The following HYDIN variants were observed in gnomAD, a reference collection of about 807,000 sequenced individuals.
HYDIN encodes the protein HYDIN axonemal central pair apparatus protein.
A neutral mutation model predicts 403.9 loss-of-function variants in HYDIN; 132 were observed. That is an observed-to-expected ratio of 0.33 (90% CI 0.28 to 0.38). The LOEUF (loss-of-function observed/expected upper bound fraction) is 0.38. HYDIN is among the 10% of genes least tolerant of loss of function. The pLI, the probability that HYDIN is intolerant of heterozygous loss-of-function variation, is 1.00. For missense variants in HYDIN, 2,827 were observed against 5,009.5 expected, an observed-to-expected ratio of 0.56 and a Z score of 13.15; for synonymous variants, 1,202 against 1,891.7, an observed-to-expected ratio of 0.64 and a Z score of 9.46.
intron 13 of HYDIN, among the ~76,000 whole-genome samples, chr16:71,074,662 A>T (rs1321817209): frequency 2.9e-5 from 4 of 137,146 alleles, no homozygotes; most frequent in African/African-American, 8.2e-5. Flanking sequence ...AGCCTGGGCA[A>T]CAGAGACTCT....
At chr16:70,819,938 G>A (rs1481579837) in intron 83 of HYDIN, among the ~76,000 whole-genome samples, 1 of 148,950 alleles carries the variant, frequency 6.7e-6, no homozygotes, top group South Asian at 2.1e-4. Context: ...CTCCCAAGCA[G>A]CTGGGACTAC....
intron 18 of HYDIN, among the ~76,000 whole-genome samples, chr16:71,052,898 GGAAA>G (rs762491508): frequency 2.9e-4 from 40 of 137,562 alleles, no homozygotes; most frequent in Admixed American, 4.5e-4. Flanking sequence ...AGAGAAAGAA[GGAAA>G]GAAAGAAAGA....
At chr16:71,110,375 TAAA>T (rs918841807) in intron 10 of HYDIN, among the ~76,000 whole-genome samples, 10 of 138,898 alleles carry the variant, frequency 7.2e-5, no homozygotes, top group Non-Finnish European at 1.2e-4. Flanking sequence ...ATATATAAAA[TAAA>T]ATACATATAT....
intron 45 of HYDIN, among the ~76,000 whole-genome samples, chr16:70,931,199 CTCTT>C (rs1435200106): frequency 4.5e-5 from 6 of 132,034 alleles, no homozygotes; most frequent in South Asian, 2.5e-4. Flanking sequence ...TTTTCTGTCT[CTCTT>C]TCTTCTGTTT....
At chr16:70,864,377 A>C (rs2039612884) in intron 67 of HYDIN, among the ~76,000 whole-genome samples, 2 of 120,016 alleles carry the variant, frequency 1.7e-5, no homozygotes, top group East Asian at 2.3e-4. Context: ...AAAAAAAAAA[A>C]AAAAAAAAAC....
At chr16:70,960,855 C>A (rs1235860867) in intron 38 of HYDIN, among the ~76,000 whole-genome samples, 2 of 152,090 alleles carry the variant, frequency 1.3e-5, no homozygotes, top group Non-Finnish European at 2.9e-5. Context: ...CCATGCCCGG[C>A]TAATTTTTTG....
intron 77 of HYDIN, among the ~76,000 whole-genome samples, chr16:70,836,505 T>C (rs907162391): frequency 6.6e-6 from 1 of 152,090 alleles, no homozygotes; most frequent in Non-Finnish European, 1.5e-5. Flanking sequence ...ATGATGGTGG[T>C]TGGATTAGAA....
chr16:71,151,007 C>T (rs1238558244), intron 7 of HYDIN, among the ~76,000 whole-genome samples: 1 of 152,154 alleles, frequency 6.6e-6, no homozygotes, highest in Non-Finnish European at 1.5e-5. Flanking sequence ...TCGCTTTACA[C>T]CACTAGTATG....
chr16:70,824,469 T>C (rs960772805), intron 83 of HYDIN, among the ~76,000 whole-genome samples: 2 of 151,050 alleles, frequency 1.3e-5, no homozygotes, highest in African/African-American at 4.9e-5. Flanking sequence ...TTGTTTAAAA[T>C]TACCTATCAA....
rs528745619 is a variant in HYDIN at position 70,947,066 on chromosome 16, C to CCA, written c.6532-3119_6532-3118dup. Among the ~76,000 whole-genome samples, 5 of 149,752 alleles carry CCA rather than the reference C, an allele frequency of 3.3e-5. No individual in the cohort carries two copies. In the South Asian group the frequency reaches 8.6e-4, roughly 26 times the overall value. On this transcript the variant is annotated intron_variant, in intron 41 of 85. Coordinates refer to ENST00000393567, the MANE Select transcript of HYDIN (RefSeq NM_001270974.2). Reference sequence around the variant, plus strand: ...TGCCTAATTGCCCTGGCCAGAACTTCCAACACTATGTTGAATAGGAGTGGT... The same window carrying CCA: ...TGCCTAATTGCCCTGGCCAGAACTTCCACAACACTATGTTGAATAGGAGTGGT...
chr16:70,902,819 ATATTT>A (rs1375751554), intron 52 of HYDIN, among the ~76,000 whole-genome samples: 412 of 17,118 alleles, frequency 0.024, 2 homozygotes, highest in African/African-American at 0.087. Context: ...ATATATATAT[ATATTT>A]TTTTTTTTTT....
At chr16:70,947,354 G>A (rs759041604) in intron 41 of HYDIN, among the ~76,000 whole-genome samples, 1,895 of 151,742 alleles carry the variant, frequency 0.012, 21 homozygotes, top group Middle Eastern at 0.027. Context: ...ACTGATTTGC[G>A]TATATTGAAC....
chr16:71,050,706 T>G (rs1254002445), intron 18 of HYDIN, among the ~76,000 whole-genome samples: 1 of 152,118 alleles, frequency 6.6e-6, no homozygotes, highest in African/African-American at 2.4e-5. Context: ...TCCTCCATGT[T>G]TTTTAGCATT....
rs1221131630 is a variant in HYDIN, at chr16:71,069,995, G to C, written c.1739-493C>G. Among the ~76,000 whole-genome samples, 4 of 151,192 alleles carry C rather than the reference G, an allele frequency of 2.6e-5. 1 individual carries two copies. The highest frequency in any genetic ancestry group is 4.4e-5 in the Non-Finnish European group (3 of 68,030). ...ACCCAGAGCTTGCCAAGACATGATA[G>C]AGTGTGTCCTAGACCTGTCTGGGTA... On this transcript the variant is annotated intron_variant, in intron 13 of 85. Coordinates refer to ENST00000393567, the MANE Select transcript of HYDIN (RefSeq NM_001270974.2).
intron 65 of HYDIN, among the ~76,000 whole-genome samples, chr16:70,871,772 A>G (rs1344686663): frequency 5.6e-5 from 7 of 125,638 alleles, no homozygotes; most frequent in South Asian, 5.4e-4. Flanking sequence ...ACCTGTATTC[A>G]TCTATACAGG....
intron 6 of HYDIN, among the ~76,000 whole-genome samples, chr16:71,161,930 A>G (rs2086016722): frequency 6.8e-6 from 1 of 147,284 alleles, no homozygotes; most frequent in African/African-American, 2.6e-5. Context: ...GATTATCCCA[A>G]CAACCTTATG....
At chr16:71,212,824 T>C (rs2088668031) in intron 1 of HYDIN, among the ~76,000 whole-genome samples, 1 of 151,618 alleles carries the variant, frequency 6.6e-6, no homozygotes, top group Admixed American at 6.6e-5. Context: ...ACAACCAAAA[T>C]GAAGATTCAA....
intron 43 of HYDIN, among the ~76,000 whole-genome samples, chr16:70,940,978 C>A (rs1051842063): frequency 7.9e-5 from 12 of 151,842 alleles, no homozygotes; most frequent in Non-Finnish European, 1.5e-4. Context: ...CTGCTTCTGA[C>A]TACATTGGGA....
chr16:71,176,121 C>T (rs1191624510), intron 4 of HYDIN, among the ~76,000 whole-genome samples: 16 of 128,878 alleles, frequency 1.2e-4, no homozygotes, highest in African/African-American at 8.1e-4. Context: ...CTGACTAATA[C>T]AGTGAAACCT....
Sources: gnomAD v4.1 joint callset for allele counts (sites outside exome capture counted in the v4.1 genomes callset) on GRCh38, gnomAD v4.1.1 for gene constraint, MANE v1.5 for transcripts, NCBI Gene and HGNC (gene_info 2026-07-23, HGNC 2026-07-21) for gene names.